The following GGA1 variants were observed in gnomAD, a reference collection of about 807,000 sequenced individuals.
GGA1 encodes the protein ADP-ribosylation factor-binding protein GGA1.
GGA1 carries 18 observed loss-of-function variants against 76.9 expected under a neutral mutation model. The ratio of observed to expected loss-of-function variants is 0.23; its 90% CI spans 0.16 to 0.35. GGA1 has a LOEUF of 0.35. Ranked by LOEUF, GGA1 falls within the 10% of genes least tolerant of loss-of-function variation. GGA1 has a pLI of 1.00. For synonymous variants in GGA1, 342 were observed against 354.7 expected (o/e 0.96, Z 0.40); for missense variants, 755 against 859.0 (o/e 0.88, Z 1.51).
intron 1 of GGA1, 98 bp downstream of exon 1, chr22:37,609,001 C>T (rs1037512571): frequency 1.5e-5 from 20 of 1,364,328 alleles, no homozygotes; most frequent in African/African-American, 6.2e-5. Flanking sequence ...TCGCCCCCTC[C>T]TCACGCCCCG....
chr22:37,616,641 G>T (rs1324314571), intron 2 of GGA1, among the ~76,000 whole-genome samples: 1 of 152,216 alleles, frequency 6.6e-6, no homozygotes, highest in Admixed American at 6.5e-5. Flanking sequence ...CCCAGGAGCT[G>T]AGCTCATACC....
At chr22:37,627,566 C>G (rs369411859) in intron 11 of GGA1, among the ~76,000 whole-genome samples, 2 of 152,328 alleles carry the variant, frequency 1.3e-5, no homozygotes, top group East Asian at 3.9e-4. Flanking sequence ...CCTGTGGAGC[C>G]AGCCCTGGGT....
At position 37,632,482 on chromosome 22, in the gene GGA1, C is replaced by A. The variant is rs1274229125; in HGVS notation, c.1776C>A (p.Ile592=). ...ACCCCATCGTCCACCCCTCAGCAAT[C>A]ACCCAGGTCCTGCTGCTTGCCAACC... ...AFNPIVHPSA[I]TQVLLLANPQ... Residue 592 remains isoleucine (I), a synonymous_variant, in exon 16 of 17, where the codon ATC becomes ATA. Transcript: ENST00000343632. The surrounding 1 kb of genome is among the most constrained non-coding windows in gnomAD (Gnocchi z 5.1). 6.2e-7 allele frequency: 1 copy of A among 1,613,648 alleles called. No individual in the cohort carries two copies. The highest frequency in any genetic ancestry group is 1.3e-5 in the African/African-American group (1 of 74,926).
intron 14 of GGA1, 69 bp downstream of exon 14, chr22:37,631,168 G>A (rs1931744588): frequency 1.5e-6 from 2 of 1,298,630 alleles, no homozygotes; most frequent in Non-Finnish European, 2.1e-6. Context: ...GCTCTGTCTG[G>A]GGAAGCTAGT....
intron 6 of GGA1, among the ~76,000 whole-genome samples, chr22:37,621,317 G>A (rs530666149): frequency 2.6e-5 from 4 of 152,328 alleles, no homozygotes; most frequent in Admixed American, 2.6e-4. Flanking sequence ...CCTGGAGAGT[G>A]TCTACTGTTA....
rs559271314 is a variant in GGA1 at position 37,631,333 on chromosome 22, T to TCCC, written c.1528+234_1528+235insCCC. ...AGGCTTATATAAGCAAGAAGACCTC[T>TCCC]AGGGAGTAGGCTCTGGGCCCCTTCC... On this transcript the variant is annotated intron_variant, in intron 14 of 16. Transcript: ENST00000343632. Among the ~76,000 whole-genome samples, 5 of 152,250 alleles carry TCCC rather than the reference T, an allele frequency of 3.3e-5. No homozygotes were observed. The South Asian group carries it at 1.0e-3, about 32-fold the overall frequency.
At chr22:37,616,430 G>A (rs1028307256) in intron 2 of GGA1, among the ~76,000 whole-genome samples, 5 of 152,164 alleles carry the variant, frequency 3.3e-5, no homozygotes, top group African/African-American at 4.8e-5. Context: ...AGCTCTTACC[G>A]TCACTGGTGA....
intron 1 of GGA1, among the ~76,000 whole-genome samples, chr22:37,612,078 C>T (rs1435822323): frequency 6.6e-6 from 1 of 151,994 alleles, no homozygotes; most frequent in Non-Finnish European, 1.5e-5. Flanking sequence ...ATCGTTTGAA[C>T]CCAGGAAGCT....
At chr22:37,618,623 C>G (rs571959814) in intron 4 of GGA1, 77 bp downstream of exon 4, 12 of 893,176 alleles carry the variant, frequency 1.3e-5, no homozygotes, top group South Asian at 2.8e-5. Context: ...GATTGTGGAG[C>G]GACTTTTCCA....
Position 37,632,016 on chromosome 22 carries a change from G to C in GGA1, c.1549G>C (p.Val517Leu). Residue 517 changes from valine (V) to leucine (L), a missense_variant, in exon 15 of 17, where the codon GTG (valine) becomes CTG (leucine). Transcript: ENST00000343632. The surrounding 1 kb of genome is among the most constrained non-coding windows in gnomAD (Gnocchi z 5.1). ...IKPSNILPVTVYDQHGFRILF... is the reference protein window; with the variant it reads ...IKPSNILPVTLYDQHGFRILF... ...CACAGGCAACATCCTGCCCGTGACT[G>C]TGTATGACCAGCACGGCTTCCGCAT... The C allele has an allele frequency of 6.2e-7, 1 of 1,612,464 alleles. No homozygotes were observed. Among genetic ancestry groups the C allele is most frequent in the Non-Finnish European group, 8.5e-7 (1 of 1,179,724 alleles).
chr22:37,618,665 C>T, intron 4 of GGA1, 119 bp downstream of exon 4: 1 of 642,862 alleles, frequency 1.6e-6, no homozygotes, highest in Non-Finnish European at 2.9e-6. Context: ...CACCTCAGCC[C>T]CCCATTAGAA....
At chr22:37,626,021 CA>C in intron 11 of GGA1, 72 bp downstream of exon 11, 1 of 1,288,934 alleles carries the variant, frequency 7.8e-7, no homozygotes, top group Non-Finnish European at 1.1e-6. Flanking sequence ...GGCCCACTCA[CA>C]GCTAGCGGAA....
chr22:37,632,470 C>G lies in GGA1; in HGVS notation c.1764C>G (p.His588Gln). 1 of 1,613,930 alleles carries G rather than the reference C, an allele frequency of 6.2e-7. No homozygotes were observed. The highest frequency in any genetic ancestry group is 8.5e-7 in the Non-Finnish European group (1 of 1,179,828). Reference sequence around the variant, plus strand: ...TGCCAGCTTTTAACCCCATCGTCCACCCCTCAGCAATCACCCAGGTCCTGC... The same window carrying G: ...TGCCAGCTTTTAACCCCATCGTCCAGCCCTCAGCAATCACCCAGGTCCTGC... ...TELPAFNPIV[H>Q]PSAITQVLLL... The change falls in exon 16 of 17, where the codon CAC becomes CAG. Residue 588 changes from histidine to glutamine, a missense_variant. Physicochemically the swap from His to Gln is conservative, Grantham distance 24. Coordinates refer to ENST00000343632, the MANE Select transcript of GGA1 (RefSeq NM_013365.5). The surrounding 1 kb of genome is among the most constrained non-coding windows in gnomAD (Gnocchi z 5.1).
chr22:37,609,405 C>CT (rs1341183042), intron 1 of GGA1: 2 of 887,536 alleles, frequency 2.3e-6, no homozygotes, highest in African/African-American at 3.7e-5. Flanking sequence ...GGAGGACCCA[C>CT]TGCCCCATTT....
rs553496175 is a variant in GGA1, at chr22:37,625,239, G to A, written c.940+163G>A. Among the ~76,000 whole-genome samples, 1 of 152,260 alleles carries A rather than the reference G, an allele frequency of 6.6e-6. No homozygotes were observed. The highest frequency in any genetic ancestry group is 2.1e-4 in the South Asian group (1 of 4,826). ...AGGGAGGGAGCTGGGGGTGAAGTCT[G>A]TGCCAAGCCTGCAGCTGTGGGGGAA... On this transcript the variant is annotated intron_variant, in intron 10 of 16. Transcript: ENST00000343632. This position sits in a 1 kb window ranked among gnomAD's most constrained non-coding sequence, Gnocchi z 4.1.
Position 37,632,193 on chromosome 22 carries a change from C to G in GGA1, c.1698+28C>G. On this transcript the variant is annotated intron_variant, in intron 15 of 16. Coordinates refer to ENST00000343632, the MANE Select transcript of GGA1 (RefSeq NM_013365.5). This position sits in a 1 kb window ranked among gnomAD's most constrained non-coding sequence, Gnocchi z 5.1. ...GACAAGCCAGTCGGACAGGGCATGC[C>G]TCCCTCCTCTCAAGGCAGGGTGACA... 1 of 1,593,214 alleles carries G rather than the reference C, an allele frequency of 6.3e-7. No homozygotes were observed. The highest frequency in any genetic ancestry group is 8.6e-7 in the Non-Finnish European group (1 of 1,164,818).
chr22:37,612,133 G>T (rs1927742277), intron 1 of GGA1, among the ~76,000 whole-genome samples: 1 of 151,372 alleles, frequency 6.6e-6, no homozygotes, highest in South Asian at 2.1e-4. Flanking sequence ...TCCAGCCTGG[G>T]CAACAAAGCA....
Position 37,623,860 on chromosome 22 carries a change from C to T in GGA1, c.832+227C>T. The T allele has an allele frequency of 1.9e-6, 1 of 529,410 alleles. No individual in the cohort carries two copies. Among genetic ancestry groups the T allele is most frequent in the Non-Finnish European group, 3.4e-6 (1 of 291,324 alleles). 32.8% of individuals were successfully genotyped at this position (529,410 alleles called of 1,614,324 possible). On this transcript the variant is annotated intron_variant, in intron 9 of 16. Coordinates refer to ENST00000343632, the MANE Select transcript of GGA1 (RefSeq NM_013365.5). This position sits in a 1 kb window ranked among gnomAD's most constrained non-coding sequence, Gnocchi z 4.6. Reference sequence around the variant, plus strand: ...GCCCCCTTAACAGGCATCTTATTTACTACCCGCAGCTGCACAGGAGGCAGA... The same window carrying T: ...GCCCCCTTAACAGGCATCTTATTTATTACCCGCAGCTGCACAGGAGGCAGA...
At chr22:37,628,135 G>A (rs1183785446) in intron 11 of GGA1, among the ~76,000 whole-genome samples, 1 of 152,142 alleles carries the variant, frequency 6.6e-6, no homozygotes, top group Non-Finnish European at 1.5e-5. Context: ...CCTCTTTTTG[G>A]TTTTGAGATG....
Sources: allele counts gnomAD v4.1 joint callset (sites outside exome capture counted in the v4.1 genomes callset), GRCh38; gene constraint gnomAD v4.1.1; non-coding constraint Gnocchi (gnomAD v3.1); transcripts MANE v1.5; gene names NCBI Gene and HGNC (gene_info 2026-07-23, HGNC 2026-07-21).